Variants in AMZ1 observed in about 807,000 individuals in gnomAD.
AMZ1 encodes archaemetzincin-1.
Under a neutral mutation model 29.9 loss-of-function variants are expected in AMZ1, and 39 were observed. The ratio of observed to expected loss-of-function variants is 1.30; its 90% confidence interval spans 1.01 to 1.70. AMZ1 has a LOEUF of 1.70. AMZ1 is among the 40% of genes most tolerant of loss of function. The probability of loss-of-function intolerance (pLI) is 0.00; values close to 1 mark genes in which losing one functional copy is unlikely to be tolerated. For synonymous variants in AMZ1, 458 were observed against 304.0 expected (o/e 1.51, Z -5.27); for missense variants, 1,041 against 680.6 (o/e 1.53, Z -5.89).
chr7:2,716,816 G>A lies in AMZ1; in HGVS notation c.*3938G>A, dbSNP rs1789149232. Among the ~76,000 whole-genome samples the A allele has an allele frequency of 6.6e-6, 1 of 152,152 alleles. No individual in the cohort carries two copies. Among genetic ancestry groups the A allele is most frequent in the African/African-American group, 2.4e-5 (1 of 41,418 alleles). On this transcript the variant is annotated 3_prime_UTR_variant, in exon 7 of 7. Coordinates refer to ENST00000683327, the MANE Select transcript of AMZ1 (RefSeq NM_001384743.1). Reference sequence around the variant, plus strand: ...TTTTTTTACATCATCATCGAGTCTCGAAATGACCTGTAAGGCAGATGGCTG... The same window carrying A: ...TTTTTTTACATCATCATCGAGTCTCAAAATGACCTGTAAGGCAGATGGCTG...
At chr7:2,728,529 T>C (rs1272981205) in intron 4 of AMZ1, 4 of 152,512 alleles carry the variant, frequency 2.6e-5, no homozygotes, top group Non-Finnish European at 5.9e-5. Flanking sequence ...GCGTCTTATG[T>C]GTACACAGTA....
chr7:2,739,121 C>T (rs73049305), intron 4 of AMZ1, among the ~76,000 whole-genome samples: 16,234 of 152,304 alleles, frequency 0.11, 1,006 homozygotes, highest in Middle Eastern at 0.18. Flanking sequence ...CCACGCCGGG[C>T]CCCTAAAGCA....
upstream of AMZ1, among the ~76,000 whole-genome samples, chr7:2,761,459 C>T (rs985394008): frequency 1.3e-5 from 2 of 152,160 alleles, no homozygotes; most frequent in Non-Finnish European, 2.9e-5. Context: ...AAGCCTAGTA[C>T]AAATAAAGAA....
At chr7:2,701,753 G>T (rs1039033221) in intron 2 of AMZ1, among the ~76,000 whole-genome samples, 1 of 152,208 alleles carries the variant, frequency 6.6e-6, no homozygotes, top group East Asian at 1.9e-4. Context: ...GGCTGACCTC[G>T]CCTGGCCTTG....
chr7:2,704,599 T>TC (rs1788242635), intron 3 of AMZ1, among the ~76,000 whole-genome samples: 2 of 124,100 alleles, frequency 1.6e-5, no homozygotes, highest in Non-Finnish European at 3.5e-5. Flanking sequence ...TTTTTTTTTT[T>TC]TTTTTTTTTT....
downstream of AMZ1, among the ~76,000 whole-genome samples, chr7:2,724,142 A>G (rs573561025): frequency 1.3e-4 from 19 of 151,832 alleles, no homozygotes; most frequent in African/African-American, 4.6e-4. Flanking sequence ...GCTGGTCTTG[A>G]ACTCCTGACC....
Position 2,717,822 on chromosome 7 carries a change from G to A in AMZ1, c.*4944G>A, listed in dbSNP as rs759184702. ...TTTTGAACTCAGCTTCTTGGGTAGG[G>A]AGGCAAATGAAAACAGGCTGATGTC... is the stretch of plus-strand genomic sequence containing the variant. On this transcript the variant is annotated 3_prime_UTR_variant, in exon 7 of 7. Transcript: ENST00000683327. 1.3e-5 allele frequency among the ~76,000 whole-genome samples: 2 copies of A among 152,210 alleles called. No individual in the cohort carries two copies. The highest frequency in any genetic ancestry group is 1.5e-5 in the Non-Finnish European group (1 of 68,036).
intron 2 of AMZ1, among the ~76,000 whole-genome samples, chr7:2,701,327 G>C (rs892212094): frequency 2.6e-5 from 4 of 152,222 alleles, no homozygotes; most frequent in Admixed American, 2.6e-4. Flanking sequence ...CTTGACCTGT[G>C]TGACTGGCAG....
At chr7:2,749,426 C>T (rs1187442255) in intron 4 of AMZ1, among the ~76,000 whole-genome samples, 1 of 151,770 alleles carries the variant, frequency 6.6e-6, no homozygotes, top group Non-Finnish European at 1.5e-5. Flanking sequence ...AAACCAAACA[C>T]CCCATGTTCT....
chr7:2,735,561 T>C (rs1241177621), intron 4 of AMZ1, among the ~76,000 whole-genome samples: 1 of 152,164 alleles, frequency 6.6e-6, no homozygotes, highest in African/African-American at 2.4e-5. Flanking sequence ...GACGTTTCCC[T>C]CGGTGTGAGT....
intron 4 of AMZ1, among the ~76,000 whole-genome samples, chr7:2,741,023 C>G (rs369801216): frequency 6.6e-6 from 1 of 151,796 alleles, no homozygotes; most frequent in Admixed American, 6.6e-5. Context: ...CCTGCCTGGG[C>G]GACAGAGCGA....
intron 4 of AMZ1, among the ~76,000 whole-genome samples, chr7:2,726,692 G>T (rs1789631763): frequency 6.6e-6 from 1 of 152,210 alleles, no homozygotes; most frequent in South Asian, 2.1e-4. Flanking sequence ...GTGCTAAGTG[G>T]CATCCCCACT....
intron 4 of AMZ1, among the ~76,000 whole-genome samples, chr7:2,750,018 A>C (rs1290392150): frequency 1.3e-5 from 2 of 152,208 alleles, no homozygotes; most frequent in African/African-American, 4.8e-5. Context: ...AATTTGGTGA[A>C]AGACATAAAT....
At chr7:2,686,265 G>A (rs187323309), upstream of AMZ1, among the ~76,000 whole-genome samples, 18 of 152,314 alleles carry the variant, frequency 1.2e-4, no homozygotes, top group African/African-American at 4.1e-4. Context: ...GGGCACGGTG[G>A]CTCATACCTG....
In AMZ1 at chr7:2,700,441, G is replaced by A. The variant is rs1319227916; in HGVS notation, c.-11G>A. 3.8e-6 allele frequency: 6 copies of A among 1,593,298 alleles called. No individual in the cohort carries two copies. The highest frequency in any genetic ancestry group is 3.3e-5 in the Admixed American group (2 of 59,846). Reference sequence around the variant, plus strand: ...GGGCTCCCAGGAGTGGCCAGGCCCTGCCCGCCCACCATGCTGCAGTGTAGA... The same window carrying A: ...GGGCTCCCAGGAGTGGCCAGGCCCTACCCGCCCACCATGCTGCAGTGTAGA... On this transcript the variant is annotated 5_prime_UTR_variant, in exon 2 of 7. Coordinates refer to ENST00000683327, the MANE Select transcript of AMZ1 (RefSeq NM_001384743.1).
intron 4 of AMZ1, among the ~76,000 whole-genome samples, chr7:2,757,128 C>CTTTTTTTTTTTTTTT: frequency 8.7e-6 from 1 of 115,136 alleles, no homozygotes; most frequent in Non-Finnish European, 1.8e-5. Flanking sequence ...ATCAGGTGGG[C>CTTTTTTTTTTTTTTT]CTTTTTTTTT....
At chr7:2,696,029 A>T (rs61306475) in intron 1 of AMZ1, among the ~76,000 whole-genome samples, 34,497 of 148,492 alleles carry the variant, frequency 0.23, 5,031 homozygotes, top group Middle Eastern at 0.42. Context: ...AAAAAAAAAA[A>T]GGAAATGGAC....
rs115782957 is a variant in AMZ1 at position 2,739,402 on chromosome 7, T to C, written n.551-25310T>C. On this transcript the variant is annotated intron_variant and non_coding_transcript_variant, in intron 4 of 4. Coordinates refer to the AMZ1 transcript ENST00000489665. Reference sequence around the variant, plus strand: ...CAGCATGCAGCCCTTTGTGTCTGGTTCTTTTACTTGGTGCGGCATTTCCGA... The same window carrying C: ...CAGCATGCAGCCCTTTGTGTCTGGTCCTTTTACTTGGTGCGGCATTTCCGA... Among the ~76,000 whole-genome samples the C allele has an allele frequency of 2.0e-3, 307 of 152,352 alleles. 1 individual carries two copies. Among genetic ancestry groups the C allele is most frequent in the African/African-American group, 7.2e-3 (299 of 41,584 alleles).
chr7:2,690,150 A>G (rs1386745172), intron 1 of AMZ1, among the ~76,000 whole-genome samples: 1 of 152,020 alleles, frequency 6.6e-6, no homozygotes, highest in Non-Finnish European at 1.5e-5. Flanking sequence ...CCTAGCTTGG[A>G]GCCTGTCACA....
Sources: gnomAD v4.1 joint callset for allele counts (sites outside exome capture counted in the v4.1 genomes callset) on GRCh38, gnomAD v4.1.1 for gene constraint, MANE v1.5 for transcripts, NCBI Gene and HGNC (gene_info 2026-07-23, HGNC 2026-07-21) for gene names.